DLG2: variants seen among roughly 807,000 people sequenced by gnomAD.
The protein encoded by DLG2 is discs large MAGUK scaffold protein 2, also known as disks large homolog 2.
In DLG2, 45 loss-of-function variants were observed where a neutral mutation model predicts 132.5. The observed-to-expected ratio is 0.34, with a 90% CI of 0.27 to 0.44. DLG2 has a LOEUF of 0.44. Among genes scored for constraint, DLG2 ranks in the 20% least tolerant of loss-of-function variants. The pLI is 1.00. For missense variants in DLG2, 1,045 were observed against 1,196.9 expected (o/e 0.87, Z 1.87); for synonymous variants, 424 against 419.6 (o/e 1.01, Z -0.13).
At chr11:83,702,902 G>T (rs1273269741) in intron 18 of DLG2, among the ~76,000 whole-genome samples, 2 of 152,208 alleles carry the variant, frequency 1.3e-5, no homozygotes, top group Admixed American at 6.5e-5. Context: ...TTAAGGAGGT[G>T]ATGGGAAGAA....
intron 6 of DLG2, among the ~76,000 whole-genome samples, chr11:84,926,905 GAACATCTCCCAGTAATGCATGTA>G (rs2092996992): frequency 6.6e-6 from 1 of 151,954 alleles, no homozygotes; most frequent in Non-Finnish European, 1.5e-5. Flanking sequence ...CTCTGAATGT[GAACATCTCCCAGTAATGCATGTA>G]ATTCTAGTGT....
intron 7 of DLG2, among the ~76,000 whole-genome samples, chr11:84,458,121 A>G (rs2099070300): frequency 6.6e-6 from 1 of 150,838 alleles, no homozygotes; most frequent in African/African-American, 2.4e-5. Context: ...TTCCTAATCT[A>G]TTAGTGTAAG....
At chr11:83,753,441 A>C (rs1203620782) in intron 18 of DLG2, among the ~76,000 whole-genome samples, 2 of 151,810 alleles carry the variant, frequency 1.3e-5, no homozygotes, top group Non-Finnish European at 2.9e-5. Flanking sequence ...AAAATAAAAC[A>C]AAAAACCAAA....
chr11:83,707,554 C>T (rs1308635179), intron 18 of DLG2, among the ~76,000 whole-genome samples: 5 of 152,066 alleles, frequency 3.3e-5, no homozygotes, highest in Non-Finnish European at 5.9e-5. Context: ...GCCTGTACTC[C>T]CAGCTACTCA....
intron 7 of DLG2, chr11:84,273,174 C>A: frequency 6.4e-7 from 1 of 1,560,724 alleles, no homozygotes; most frequent in Non-Finnish European, 8.7e-7. Context: ...TGTTGCATAG[C>A]TTGTTCACAT....
At chr11:85,387,142 A>G (rs1331840555) in intron 3 of DLG2, among the ~76,000 whole-genome samples, 1 of 151,954 alleles carries the variant, frequency 6.6e-6, no homozygotes, top group African/African-American at 2.4e-5. Context: ...CCTGCCTCAG[A>G]CTCCCAAAGT....
At chr11:84,814,411 G>C (rs149029137) in intron 6 of DLG2, among the ~76,000 whole-genome samples, 1 of 152,042 alleles carries the variant, frequency 6.6e-6, no homozygotes. Context: ...AGCTACCAGA[G>C]TGATCAATCC....
chr11:84,363,326 T>C (rs1022869685), intron 7 of DLG2, among the ~76,000 whole-genome samples: 7 of 151,600 alleles, frequency 4.6e-5, no homozygotes, highest in African/African-American at 7.2e-5. Context: ...AAGTGTCTGT[T>C]CATGTCCTTC....
chr11:83,952,352 A>G lies in DLG2; in HGVS notation c.1340+10533T>C, dbSNP rs1186461619. On this transcript the variant is annotated intron_variant, in intron 14 of 27. Coordinates refer to ENST00000376104, the MANE Select transcript of DLG2 (RefSeq NM_001142699.3). Reference sequence around the variant, plus strand: ...AAAGAGTGAGACCCTGCCTCAAAAAAAAGAGAGTAAGACTATGGAAGGACA... The same window carrying G: ...AAAGAGTGAGACCCTGCCTCAAAAAGAAGAGAGTAAGACTATGGAAGGACA... Among the ~76,000 whole-genome samples the G allele has an allele frequency of 3.9e-5, 6 of 152,054 alleles. No individual in the cohort carries two copies. In the South Asian group the frequency reaches 8.3e-4, roughly 21 times the overall value.
intron 10 of DLG2, among the ~76,000 whole-genome samples, chr11:84,091,269 C>T (rs2097089418): frequency 6.6e-6 from 1 of 152,208 alleles, no homozygotes; most frequent in Admixed American, 6.5e-5. Context: ...TCTTGCCTTG[C>T]CTCTTGACTT....
chr11:84,379,088 G>C (rs541446607), intron 7 of DLG2, among the ~76,000 whole-genome samples: 1 of 150,978 alleles, frequency 6.6e-6, no homozygotes, highest in Non-Finnish European at 1.5e-5. Flanking sequence ...AAGTCTCAAA[G>C]AATTCCCATA....
chr11:84,947,351 C>G (rs1480372423), intron 6 of DLG2, among the ~76,000 whole-genome samples: 1 of 152,186 alleles, frequency 6.6e-6, no homozygotes, highest in East Asian at 1.9e-4. Flanking sequence ...CCCACAGTCT[C>G]TGCAGTAACT....
intron 11 of DLG2, among the ~76,000 whole-genome samples, chr11:84,049,890 G>C (rs932435609): frequency 1.3e-5 from 2 of 151,716 alleles, no homozygotes; most frequent in African/African-American, 4.8e-5. Flanking sequence ...TGGCTCTTGG[G>C]GGATGGATAT....
intron 3 of DLG2, among the ~76,000 whole-genome samples, chr11:85,517,168 C>A (rs1376883219): frequency 6.6e-6 from 1 of 151,448 alleles, no homozygotes; most frequent in Non-Finnish European, 1.5e-5. Flanking sequence ...TAATTAAAAT[C>A]AAAAAATGAT....
chr11:84,368,186 G>T (rs2154427202), intron 7 of DLG2, among the ~76,000 whole-genome samples: 1 of 152,176 alleles, frequency 6.6e-6, no homozygotes, highest in Admixed American at 6.6e-5. Flanking sequence ...ATTTTTCAAT[G>T]GGACAGAAGG....
At chr11:83,564,270 G>A (rs114623751) in intron 19 of DLG2, among the ~76,000 whole-genome samples, 1,757 of 152,066 alleles carry the variant, frequency 0.012, 25 homozygotes, top group African/African-American at 0.041. Flanking sequence ...AAATTCATTA[G>A]ATGAAAATTG....
chr11:85,118,109 T>C (rs2073886526), intron 5 of DLG2, among the ~76,000 whole-genome samples: 1 of 152,138 alleles, frequency 6.6e-6, no homozygotes, highest in Non-Finnish European at 1.5e-5. Flanking sequence ...TTCCTGGGCT[T>C]ATCCTTCCAT....
At chr11:84,093,964 A>ATTT (rs2097132821) in intron 10 of DLG2, among the ~76,000 whole-genome samples, 1 of 147,592 alleles carries the variant, frequency 6.8e-6, no homozygotes, top group South Asian at 2.1e-4. Context: ...TTTTTTTTTT[A>ATTT]TTTTTTATTT....
At chr11:84,889,893 A>G (rs1401161671) in intron 6 of DLG2, among the ~76,000 whole-genome samples, 1 of 152,184 alleles carries the variant, frequency 6.6e-6, no homozygotes, top group East Asian at 1.9e-4. Flanking sequence ...CAGATGAGGG[A>G]ACACACCACT....
Sources: gnomAD v4.1 joint callset for allele counts (sites outside exome capture counted in the v4.1 genomes callset) on GRCh38, gnomAD v4.1.1 for gene constraint, MANE v1.5 for transcripts, NCBI Gene and HGNC (gene_info 2026-07-23, HGNC 2026-07-21) for gene names.